The following SH3TC1 variants were observed in gnomAD, a reference collection of about 807,000 sequenced individuals.
SH3TC1 encodes the protein SH3 domain and tetratricopeptide repeats 1.
Under a neutral mutation model 117.3 loss-of-function variants are expected in SH3TC1, and 135 were observed. The ratio of observed to expected loss-of-function variants is 1.15; its 90% CI spans 1.00 to 1.33. The LOEUF is 1.33. Ranked by LOEUF, SH3TC1 falls within the 40% of genes most tolerant of loss-of-function variation. SH3TC1 has a pLI of 0.00. For missense variants in SH3TC1, 2,092 were observed against 1,794.3 expected, an observed-to-expected ratio of 1.17 and a Z score of -3.00; for synonymous variants, 898 against 816.9, an observed-to-expected ratio of 1.10 and a Z score of -1.69.
In SH3TC1 at chr4:8,205,139, C is replaced by A; in HGVS notation, c.-28-28C>A. ...CGTGCTGGTTCTGGAGGGGCCACCT[C>A]TCCTGACCACACCCCCTCTGTCCAC... On this transcript the variant is annotated intron_variant, in intron 1 of 17. Coordinates refer to ENST00000245105, the MANE Select transcript of SH3TC1 (RefSeq NM_018986.5). The surrounding 1 kb of genome is among the most constrained non-coding windows in gnomAD (Gnocchi z 5.4). 6.9e-7 allele frequency: 1 copy of A among 1,451,356 alleles called. No homozygotes were observed. Among genetic ancestry groups the A allele is most frequent in the Non-Finnish European group, 9.1e-7 (1 of 1,099,916 alleles). 89.9% of individuals were successfully genotyped at this position (1,451,356 alleles called of 1,614,324 possible).
intron 17 of SH3TC1, among the ~76,000 whole-genome samples, chr4:8,238,935 C>A (rs1722072234): frequency 6.6e-6 from 1 of 152,206 alleles, no homozygotes; most frequent in Non-Finnish European, 1.5e-5. Context: ...CACAGGGAGG[C>A]CCCCTCGGAA....
chr4:8,234,042 A>G (rs1161429979), intron 14 of SH3TC1, among the ~76,000 whole-genome samples: 2 of 141,412 alleles, frequency 1.4e-5, no homozygotes, highest in Non-Finnish European at 3.0e-5. Flanking sequence ...CCATTCATCC[A>G]TCATTCATCC....
At chr4:8,197,784 G>C (rs1717609117), upstream of SH3TC1, among the ~76,000 whole-genome samples, 1 of 152,260 alleles carries the variant, frequency 6.6e-6, no homozygotes, top group Non-Finnish European at 1.5e-5. Flanking sequence ...GGCCTCAGTG[G>C]GGCGGAGGGA....
chr4:8,206,436 G>A lies in SH3TC1; in HGVS notation c.172+1070G>A, dbSNP rs1017093021. Reference sequence around the variant, plus strand: ...CACGAGTGCACAAGGAGACTGAGACGCGCAGGAGGGCCCTGGCCAGCCTCC... The same window carrying A: ...CACGAGTGCACAAGGAGACTGAGACACGCAGGAGGGCCCTGGCCAGCCTCC... On this transcript the variant is annotated intron_variant, in intron 2 of 17. Transcript: ENST00000245105. This position sits in a 1 kb window ranked among gnomAD's most constrained non-coding sequence, Gnocchi z 5.5. Among the ~76,000 whole-genome samples the A allele has an allele frequency of 6.6e-6, 1 of 152,088 alleles. No individual in the cohort carries two copies. Among genetic ancestry groups the A allele is most frequent in the Non-Finnish European group, 1.5e-5 (1 of 67,994 alleles).
chr4:8,206,690 C>T lies in SH3TC1; in HGVS notation c.172+1324C>T, dbSNP rs1718236293. 6.6e-6 allele frequency among the ~76,000 whole-genome samples: 1 copy of T among 152,238 alleles called. No individual in the cohort carries two copies. The highest frequency in any genetic ancestry group is 2.4e-5 in the African/African-American group (1 of 41,462). On this transcript the variant is annotated intron_variant, in intron 2 of 17. Coordinates refer to ENST00000245105, the MANE Select transcript of SH3TC1 (RefSeq NM_018986.5). The surrounding 1 kb of genome is among the most constrained non-coding windows in gnomAD (Gnocchi z 5.5). The stretch of plus-strand genomic sequence containing the variant: ...GCTGGCTTGGGGTGGGGCTCCTCAT[C>T]AGCTCCTTCACCTCCTCGTCTTCTC...
intron 5 of SH3TC1, chr4:8,215,203 A>C (rs1324196208): frequency 2.2e-6 from 1 of 456,176 alleles, no homozygotes; most frequent in Non-Finnish European, 4.4e-6. Context: ...CAGTGGCCTC[A>C]GTGCTGACCG....
upstream of SH3TC1, among the ~76,000 whole-genome samples, chr4:8,194,986 G>T (rs768526179): frequency 3.3e-4 from 50 of 152,190 alleles, no homozygotes; most frequent in Non-Finnish European, 5.1e-4. Flanking sequence ...ATCTGGGCTG[G>T]TTCTGCCACA....
intron 9 of SH3TC1, among the ~76,000 whole-genome samples, chr4:8,221,840 G>A (rs1401792985): frequency 1.5e-4 from 23 of 152,148 alleles, no homozygotes; most frequent in Admixed American, 1.3e-3. Flanking sequence ...CTATTCAGAC[G>A]TCATGTCTTG....
chr4:8,223,178 G>T (rs1720112582), intron 10 of SH3TC1, among the ~76,000 whole-genome samples: 2 of 152,256 alleles, frequency 1.3e-5, no homozygotes, highest in Non-Finnish European at 2.9e-5. Flanking sequence ...GCGTGGGAAT[G>T]TGGCCCCTGA....
At chr4:8,218,994 G>C (rs777714101) in intron 8 of SH3TC1, among the ~76,000 whole-genome samples, 4 of 152,172 alleles carry the variant, frequency 2.6e-5, no homozygotes, top group Non-Finnish European at 5.9e-5. Flanking sequence ...GGGGACTAAA[G>C]CCCCATGCAG....
Position 8,233,978 on chromosome 4 carries a change from CCA to C in SH3TC1, c.3282+466_3282+467del, listed in dbSNP as rs547408650. 8.0e-3 allele frequency among the ~76,000 whole-genome samples: 1,161 copies of C among 145,548 alleles called. 14 individuals carry two copies. The highest frequency in any genetic ancestry group is 0.027 in the African/African-American group (1,110 of 40,882). On this transcript the variant is annotated intron_variant, in intron 14 of 17. Transcript: ENST00000245105. ...TCCATCCATTCACCTGTTTGTCCATCCATCCATCCATCATCCATCCATCCTTC... is the reference window on the plus strand; with the variant it reads ...TCCATCCATTCACCTGTTTGTCCATCTCCATCCATCATCCATCCATCCTTC...
In SH3TC1 at chr4:8,232,523, TC is replaced by T. The variant is rs1352411608; in HGVS notation, c.3131+371del. On this transcript the variant is annotated intron_variant, in intron 13 of 17. Transcript: ENST00000245105. ...AGTCTTCACTCCTGGCCTTCACCTG[TC>T]CCCTTAAATGTGACCACAGCAGCCA... is the stretch of plus-strand genomic sequence containing the variant. The T allele has an allele frequency of 8.7e-6, 12 of 1,380,700 alleles. No homozygotes were observed. The South Asian group carries it at 1.4e-4, about 16-fold the overall frequency. 85.5% of individuals were successfully genotyped at this position (1,380,700 alleles called of 1,614,324 possible). A position where few individuals can be genotyped will look rare whatever the true frequency, so the allele number is the denominator to read the frequency against.
chr4:8,214,932 C>T (rs970882391), intron 5 of SH3TC1, among the ~76,000 whole-genome samples: 19 of 152,162 alleles, frequency 1.2e-4, no homozygotes, highest in African/African-American at 3.4e-4. Context: ...GTGATCCGCC[C>T]GCCTTGCCCT....
At chr4:8,233,869 C>T (rs1295469471) in intron 14 of SH3TC1, among the ~76,000 whole-genome samples, 1 of 149,094 alleles carries the variant, frequency 6.7e-6, no homozygotes, top group African/African-American at 2.5e-5. Context: ...CATCCATTCA[C>T]CTATCATCCT....
chr4:8,221,451 T>C (rs970851463), intron 9 of SH3TC1, among the ~76,000 whole-genome samples: 1 of 152,352 alleles, frequency 6.6e-6, no homozygotes, highest in East Asian at 1.9e-4. Flanking sequence ...TCTTCTTTTT[T>C]TTTTTCTTTA....
In SH3TC1 at chr4:8,241,087, T is replaced by G. The variant is rs959356378; in HGVS notation, c.*132T>G. ...GCCAAATAGCAATAAATGGGTTTTG[T>G]TTTTTTTTTGCAATAACTTATTGAA... On this transcript the variant is annotated 3_prime_UTR_variant, in exon 18 of 18. Transcript: ENST00000245105. 3.6e-5 allele frequency: 38 copies of G among 1,068,816 alleles called. No homozygotes were observed. The highest frequency in any genetic ancestry group is 3.3e-4 in the South Asian group (18 of 54,326). 66.2% of individuals were successfully genotyped at this position (1,068,816 alleles called of 1,614,324 possible).
At chr4:8,233,164 A>C in intron 13 of SH3TC1, 199 bp from the exon 14 acceptor site, 1 of 1,392,930 alleles carries the variant, frequency 7.2e-7, no homozygotes, top group Non-Finnish European at 9.3e-7. Context: ...GTTCCCTCAG[A>C]AGGATGTCCT....
chr4:8,212,708 C>T lies in SH3TC1; in HGVS notation c.255C>T (p.Thr85=). ...CQMGVYPTDL[T]LQLLAVRRKS... ...CTCCGTCTGCCCCTCCAGACCTGAC[C>T]CTGCAGCTGCTGGCTGTGCGGAGGA... The change falls in exon 4 of 18, where the codon ACC becomes ACT. Residue 85 remains threonine, a synonymous_variant. Transcript: ENST00000245105. The T allele has an allele frequency of 6.2e-7, 1 of 1,612,916 alleles. No homozygotes were observed. The highest frequency in any genetic ancestry group is 8.5e-7 in the Non-Finnish European group (1 of 1,179,950).
intron 12 of SH3TC1, chr4:8,229,357 T>C (rs937635892): frequency 7.1e-6 from 1 of 141,058 alleles, no homozygotes; most frequent in African/African-American, 2.7e-5. Context: ...TAATACGTGG[T>C]GGGTGAGGGG....
Sources: allele counts gnomAD v4.1 joint callset (sites outside exome capture counted in the v4.1 genomes callset), GRCh38; gene constraint gnomAD v4.1.1; non-coding constraint Gnocchi (gnomAD v3.1); transcripts MANE v1.5; gene names NCBI Gene and HGNC (gene_info 2026-07-23, HGNC 2026-07-21).